AUTS2: variants seen among roughly 807,000 people sequenced by gnomAD.
AUTS2 encodes the protein activator of transcription and developmental regulator AUTS2, also known as autism susceptibility gene 2 protein.
Under a neutral mutation model 112.4 loss-of-function variants are expected in AUTS2, and 17 were observed. That is an observed-to-expected ratio of 0.15 (90% confidence interval 0.10 to 0.23). The LOEUF (loss-of-function observed/expected upper bound fraction) is 0.23, where lower values mean the gene tolerates loss of function less well. AUTS2 is among the 10% of genes least tolerant of loss of function. The pLI is 1.00. For synonymous variants in AUTS2, 751 were observed against 702.7 expected, an observed-to-expected ratio of 1.07 and a Z score of -1.09; for missense variants, 1,510 against 1,701.6, an observed-to-expected ratio of 0.89 and a Z score of 1.98.
intron 5 of AUTS2, among the ~76,000 whole-genome samples, chr7:70,528,875 G>C (rs568324109): frequency 1.5e-4 from 23 of 151,918 alleles, no homozygotes; most frequent in African/African-American, 5.6e-4. Flanking sequence ...CAAAGAGAGG[G>C]AACAAAAAAG....
At chr7:70,125,026 A>C (rs1805889237) in intron 3 of AUTS2, among the ~76,000 whole-genome samples, 1 of 152,148 alleles carries the variant, frequency 6.6e-6, no homozygotes, top group Admixed American at 6.5e-5. Context: ...TACAGCTTTT[A>C]CTGTCCTTGT....
intron 1 of AUTS2, among the ~76,000 whole-genome samples, chr7:69,603,082 C>G (rs544341130): frequency 6.6e-6 from 1 of 152,130 alleles, no homozygotes; most frequent in Admixed American, 6.5e-5. Flanking sequence ...ATCCTAAATA[C>G]GTAGTATGTT....
rs1267000145 is a variant in AUTS2, at chr7:70,694,454, G to C, written c.691-4115G>C. 6.7e-6 allele frequency: 1 copy of C among 149,102 alleles called. No homozygotes were observed. The highest frequency in any genetic ancestry group is 2.4e-5 in the African/African-American group (1 of 41,012). The allele number at this position is 149,102 out of a possible 1,614,324, so 9.2% of individuals were successfully genotyped here. A position where few individuals can be genotyped will look rare whatever the true frequency, so the allele number is the denominator to read the frequency against. On this transcript the variant is annotated intron_variant, in intron 5 of 18. Transcript: ENST00000342771. The surrounding 1 kb of genome is among the most constrained non-coding windows in gnomAD (Gnocchi z 4.1). ...GCTGGAGAGGCGGGACCGGCTGTCG[G>C]GGAGCCCCGGGCGGCCGCCGGGGAG...
chr7:69,858,454 T>C (rs1284293539), intron 1 of AUTS2, among the ~76,000 whole-genome samples: 1 of 152,206 alleles, frequency 6.6e-6, no homozygotes, highest in Non-Finnish European at 1.5e-5. Flanking sequence ...GGTCCTCCTC[T>C]ATTGTAAAGA....
chr7:70,402,772 A>G (rs1332755223), intron 4 of AUTS2, among the ~76,000 whole-genome samples: 2 of 152,120 alleles, frequency 1.3e-5, no homozygotes, highest in African/African-American at 4.8e-5. Flanking sequence ...TTACCTCCTG[A>G]GAGTAGTTTC....
intron 4 of AUTS2, among the ~76,000 whole-genome samples, chr7:70,138,311 C>T (rs753263607): frequency 1.1e-4 from 16 of 152,176 alleles, no homozygotes; most frequent in Non-Finnish European, 1.5e-4. Context: ...GAGAACATTT[C>T]GTGTTGGCCA....
chr7:70,776,335 G>A (rs1181953202), intron 13 of AUTS2, among the ~76,000 whole-genome samples: 1 of 152,120 alleles, frequency 6.6e-6, no homozygotes, highest in Non-Finnish European at 1.5e-5. Context: ...CCCGCTGACT[G>A]GTAGAAGAGA....
intron 2 of AUTS2, among the ~76,000 whole-genome samples, chr7:70,022,237 G>C (rs1800308589): frequency 6.6e-6 from 1 of 151,602 alleles, no homozygotes. Context: ...TGAGCACATT[G>C]ATAGTATCTG....
chr7:70,092,796 C>T (rs977963474), intron 2 of AUTS2, among the ~76,000 whole-genome samples: 2 of 152,116 alleles, frequency 1.3e-5, no homozygotes, highest in Admixed American at 1.3e-4. Flanking sequence ...TTTATTTCTG[C>T]CTGCAGCTCT....
intron 2 of AUTS2, among the ~76,000 whole-genome samples, chr7:69,954,067 TTAAAG>T (rs1454810125): frequency 6.6e-6 from 1 of 152,148 alleles, no homozygotes; most frequent in African/African-American, 2.4e-5. Flanking sequence ...TAGTTGATAA[TTAAAG>T]TATTTACATA....
At chr7:70,774,478 T>G (rs976853935) in intron 12 of AUTS2, 6 of 194,128 alleles carry the variant, frequency 3.1e-5, no homozygotes, top group African/African-American at 1.4e-4. Context: ...TAAGGCGCTT[T>G]TCTTCCTGGA....
At chr7:70,424,585 G>C (rs1795353848) in intron 4 of AUTS2, among the ~76,000 whole-genome samples, 1 of 151,936 alleles carries the variant, frequency 6.6e-6, no homozygotes, top group African/African-American at 2.4e-5. Context: ...TTGTTTGTTT[G>C]TTTCTTTGTT....
chr7:70,506,363 C>A (rs1336900482), intron 5 of AUTS2, among the ~76,000 whole-genome samples: 1 of 152,188 alleles, frequency 6.6e-6, no homozygotes, highest in African/African-American at 2.4e-5. Context: ...AAGAAAATCC[C>A]AGTAATATTA....
At chr7:70,487,503 A>G (rs1798059479) in intron 5 of AUTS2, among the ~76,000 whole-genome samples, 1 of 152,202 alleles carries the variant, frequency 6.6e-6, no homozygotes, top group African/African-American at 2.4e-5. Flanking sequence ...CATTACGATT[A>G]TGATGGAAAT....
intron 5 of AUTS2, among the ~76,000 whole-genome samples, chr7:70,515,687 C>T (rs1256598177): frequency 6.6e-6 from 1 of 152,112 alleles, no homozygotes; most frequent in Admixed American, 6.5e-5. Flanking sequence ...TTGCCTCTCC[C>T]TGACTCTCCC....
At chr7:69,928,187 T>C (rs1158020139) in intron 2 of AUTS2, among the ~76,000 whole-genome samples, 1 of 152,128 alleles carries the variant, frequency 6.6e-6, no homozygotes, top group Non-Finnish European at 1.5e-5. Context: ...TCCAGGGTTT[T>C]TATGGGCTCA....
At chr7:69,781,492 G>A (rs139304795) in intron 1 of AUTS2, among the ~76,000 whole-genome samples, 1 of 152,298 alleles carries the variant, frequency 6.6e-6, no homozygotes, top group African/African-American at 2.4e-5. Context: ...CTTGGCCTCG[G>A]CATAAGCTCT....
chr7:70,119,905 C>A (rs1163225517), intron 3 of AUTS2: 1 of 152,110 alleles, frequency 6.6e-6, no homozygotes, highest in Admixed American at 6.5e-5. Flanking sequence ...CAAGATGATT[C>A]ATTGAGTTCC....
intron 4 of AUTS2, among the ~76,000 whole-genome samples, chr7:70,425,940 A>T (rs971216932): frequency 2.6e-5 from 4 of 152,208 alleles, no homozygotes; most frequent in Non-Finnish European, 4.4e-5. Flanking sequence ...ATATGTACTT[A>T]TACAAATTAT....
Sources: allele counts gnomAD v4.1 joint callset (sites outside exome capture counted in the v4.1 genomes callset), GRCh38; gene constraint gnomAD v4.1.1; non-coding constraint Gnocchi (gnomAD v3.1); transcripts MANE v1.5; gene names NCBI Gene and HGNC (gene_info 2026-07-23, HGNC 2026-07-21).